The following EPB41 variants were observed in gnomAD, a reference collection of about 807,000 sequenced individuals.
EPB41 encodes protein 4.1.
In EPB41, 65 loss-of-function variants were observed where a neutral mutation model predicts 108.0. The observed-to-expected ratio is 0.60, with a 90% CI of 0.49 to 0.74. EPB41 has a LOEUF of 0.74. Among genes scored for constraint, EPB41 ranks in the 30% least tolerant of loss-of-function variants. The probability of loss-of-function intolerance (pLI) is 0.00; values close to 1 mark genes in which losing one functional copy is unlikely to be tolerated. For synonymous variants in EPB41, 336 were observed against 358.9 expected, an observed-to-expected ratio of 0.94 and a Z score of 0.72; for missense variants, 875 against 1,037.0, an observed-to-expected ratio of 0.84 and a Z score of 2.15.
Position 28,935,468 on chromosome 1 carries a change from C to CACACACACACACACACACACACA in EPB41, c.-8+20700_-8+20701insACACACACACACACACACACACA, listed in dbSNP as rs1491193201. Among the ~76,000 whole-genome samples the CACACACACACACACACACACACA allele has an allele frequency of 6.6e-3, 276 of 42,130 alleles. 15 individuals carry two copies. Among genetic ancestry groups the CACACACACACACACACACACACA allele is most frequent in the South Asian group, 0.019 (14 of 740 alleles). 27.6% of individuals were successfully genotyped at this position (42,130 alleles called of 152,430 possible). ...ACACACACACACACACACACACACA[C>CACACACACACACACACACACACA]CCCCCCCCCCCCAAGATCTACGCAC... is the stretch of plus-strand genomic sequence containing the variant. On this transcript the variant is annotated intron_variant, in intron 1 of 20. Coordinates refer to ENST00000343067, the MANE Select transcript of EPB41 (RefSeq NM_001376013.1).
At chr1:28,890,345 A>G (rs972849336) in intron 1 of EPB41, among the ~76,000 whole-genome samples, 1 of 151,942 alleles carries the variant, frequency 6.6e-6, no homozygotes, top group African/African-American at 2.4e-5. Context: ...GCTGATTCTG[A>G]TATTTATTAA....
intron 1 of EPB41, among the ~76,000 whole-genome samples, chr1:28,902,616 T>C (rs148734126): frequency 6.6e-6 from 1 of 152,236 alleles, no homozygotes; most frequent in Non-Finnish European, 1.5e-5. Context: ...TATCCTGCAA[T>C]GTTTTCCCAC....
At position 29,081,616 on chromosome 1, in the gene EPB41, G is replaced by A. The variant is rs187094016; in HGVS notation, c.2185-16191G>A. On this transcript the variant is annotated intron_variant, in intron 16 of 20. Transcript: ENST00000343067. ...TTTGGGAGGCCGAACTGGGTGGATCGCCTGAGGTCGGGAGTTTGAGACCAG... is the reference window on the plus strand; with the variant it reads ...TTTGGGAGGCCGAACTGGGTGGATCACCTGAGGTCGGGAGTTTGAGACCAG... Among the ~76,000 whole-genome samples, 383 of 152,214 alleles carry A rather than the reference G, an allele frequency of 2.5e-3. 1 individual carries two copies. Among genetic ancestry groups the A allele is most frequent in the African/African-American group, 8.8e-3 (365 of 41,550 alleles).
At chr1:28,982,714 T>A (rs2095787118) in intron 1 of EPB41, 3 of 543,458 alleles carry the variant, frequency 5.5e-6, no homozygotes, top group Non-Finnish European at 1.0e-5. Context: ...ACTGCAGTTA[T>A]ATAAGCTATT....
At chr1:29,058,777 A>C in intron 13 of EPB41, 34 bp from the exon 14 acceptor site, 1 of 1,537,500 alleles carries the variant, frequency 6.5e-7, no homozygotes, top group Non-Finnish European at 8.8e-7. Flanking sequence ...ACATTTTATC[A>C]TTTTTCTTTC....
At chr1:29,001,925 A>G (rs1399034103) in intron 4 of EPB41, among the ~76,000 whole-genome samples, 1 of 152,150 alleles carries the variant, frequency 6.6e-6, no homozygotes, top group Non-Finnish European at 1.5e-5. Context: ...TTAATTTAGC[A>G]TATTGCCTGG....
At chr1:28,908,401 CAA>C (rs778150887) in intron 1 of EPB41, among the ~76,000 whole-genome samples, 3 of 108,878 alleles carry the variant, frequency 2.8e-5, no homozygotes, top group African/African-American at 3.3e-5. Context: ...GACTCCGTCT[CAA>C]AAAAAAAAAA....
intron 16 of EPB41, among the ~76,000 whole-genome samples, chr1:29,086,275 C>CTTT (rs1213378802): frequency 7.3e-6 from 1 of 137,246 alleles, no homozygotes; most frequent in Admixed American, 7.4e-5. Context: ...TTTGTCTTTC[C>CTTT]TTTTTTTTTT....
chr1:29,003,381 A>G (rs1212156689), intron 4 of EPB41, among the ~76,000 whole-genome samples: 1 of 151,876 alleles, frequency 6.6e-6, no homozygotes. Context: ...CAGTCAGTTT[A>G]CTCCTGTAGC....
chr1:28,918,304 C>T (rs895325914), intron 1 of EPB41, among the ~76,000 whole-genome samples: 4 of 151,328 alleles, frequency 2.6e-5, no homozygotes, highest in Admixed American at 6.6e-5. Context: ...TGCCCACGTC[C>T]GCCTCCCAAA....
At chr1:29,070,329 A>C (rs1173727789) in intron 16 of EPB41, 2 of 1,222,840 alleles carry the variant, frequency 1.6e-6, no homozygotes, top group African/African-American at 1.6e-5. Flanking sequence ...TGTTCATCTT[A>C]TTCTGTCTTT....
chr1:29,037,954 G>A (rs1450731074), intron 10 of EPB41, among the ~76,000 whole-genome samples: 1 of 152,064 alleles, frequency 6.6e-6, no homozygotes, highest in Non-Finnish European at 1.5e-5. Flanking sequence ...AGCCAATCTT[G>A]TTTCTTCTAT....
chr1:28,948,505 C>CAA (rs34508731), intron 1 of EPB41, among the ~76,000 whole-genome samples: 79 of 90,958 alleles, frequency 8.7e-4, no homozygotes, highest in Middle Eastern at 5.5e-3. Context: ...GACTCCGTAT[C>CAA]AAAAAAAAAA....
rs1642177426 is a variant in EPB41 at position 29,043,294 on chromosome 1, T to TA, written c.1636+3869dup. Among the ~76,000 whole-genome samples the TA allele has an allele frequency of 5.9e-5, 9 of 152,270 alleles. No homozygotes were observed. The South Asian group carries it at 1.9e-3, about 32-fold the overall frequency. ...GCTTCATTTGAGCTGAGACCTGAAT[T>TA]ATGTGAAGGAGCCGGCCATCTCAAA... On this transcript the variant is annotated intron_variant, in intron 11 of 20. Transcript: ENST00000343067.
chr1:28,968,303 C>G (rs560210286), intron 1 of EPB41, among the ~76,000 whole-genome samples: 21 of 151,552 alleles, frequency 1.4e-4, no homozygotes, highest in Middle Eastern at 3.4e-3. Context: ...TGCAGTGAGC[C>G]GAGATCACAC....
At chr1:29,043,807 G>T (rs533247053) in intron 11 of EPB41, among the ~76,000 whole-genome samples, 1 of 152,324 alleles carries the variant, frequency 6.6e-6, no homozygotes, top group South Asian at 2.1e-4. Flanking sequence ...AAAGCAGGGC[G>T]AAGGCTGTTG....
intron 11 of EPB41, among the ~76,000 whole-genome samples, chr1:29,046,508 AAAT>A (rs1248839959): frequency 1.3e-5 from 2 of 152,176 alleles, no homozygotes; most frequent in African/African-American, 2.4e-5. Context: ...CATCAACTGA[AAAT>A]AATGATTGTT....
At chr1:28,976,393 C>T (rs2095608795) in intron 1 of EPB41, among the ~76,000 whole-genome samples, 1 of 152,118 alleles carries the variant, frequency 6.6e-6, no homozygotes, top group East Asian at 1.9e-4. Context: ...TTCACTTTGT[C>T]ACCCATGCTG....
chr1:29,105,979 A>G, intron 17 of EPB41, among the ~76,000 whole-genome samples: 1 of 151,862 alleles, frequency 6.6e-6, no homozygotes, highest in East Asian at 1.9e-4. Flanking sequence ...CAAACTCCTG[A>G]CCTCAGGCAA....
Sources: gnomAD v4.1 joint callset for allele counts (sites outside exome capture counted in the v4.1 genomes callset) on GRCh38, gnomAD v4.1.1 for gene constraint, MANE v1.5 for transcripts, NCBI Gene and HGNC (gene_info 2026-07-23, HGNC 2026-07-21) for gene names.